The following KHNYN variants were observed in gnomAD, a reference collection of about 807,000 sequenced individuals.
KHNYN encodes KH and NYN domain containing.
A neutral mutation model predicts 62.7 loss-of-function variants in KHNYN; 42 were observed. The ratio of observed to expected loss-of-function variants is 0.67; its 90% confidence interval spans 0.52 to 0.87. The LOEUF is 0.87. KHNYN is among the 40% of genes least tolerant of loss of function. KHNYN has a pLI of 0.00. For missense variants in KHNYN, 829 were observed against 874.1 expected, an observed-to-expected ratio of 0.95 and a Z score of 0.65; for synonymous variants, 347 against 345.6, an observed-to-expected ratio of 1.00 and a Z score of -0.04.
rs201262437 is a variant in KHNYN, at chr14:24,441,108, A to ATT, written c.*3823_*3824insTT. 3.2e-6 allele frequency: 2 copies of ATT among 627,682 alleles called. No individual in the cohort carries two copies. The highest frequency in any genetic ancestry group is 6.3e-5 in the East Asian group (2 of 31,864). The allele number at this position is 627,682 out of a possible 1,614,324, so 38.9% of individuals were successfully genotyped here. On this transcript the variant is annotated 3_prime_UTR_variant, in exon 8 of 8. Coordinates refer to ENST00000553935, the MANE Select transcript of KHNYN (RefSeq NM_015299.3). The stretch of plus-strand genomic sequence containing the variant: ...CCTGAAGCGTTCCTTCCCTGGAGGA[A>ATT]CTCTGGTTGCAGGGCTAAACTTAGA...
chr14:24,432,186 AAGG>A lies in KHNYN; in HGVS notation c.931_933del (p.Glu311del), dbSNP rs537726831. The A allele has an allele frequency of 9.5e-5, 150 of 1,575,034 alleles. No homozygotes were observed. Among genetic ancestry groups the A allele is most frequent in the Non-Finnish European group, 1.3e-4 (148 of 1,158,750 alleles). ...ACCCCTGAAAGGGAAGGCCCTGGGG[AAGG>A]AGGAGATAGCTCTGGGAGGAGGAGG... On this transcript the variant is annotated inframe_deletion, in exon 3 of 8. Coordinates refer to ENST00000553935, the MANE Select transcript of KHNYN (RefSeq NM_015299.3). This position sits in a 1 kb window ranked among gnomAD's most constrained non-coding sequence, Gnocchi z 5.6.
upstream of KHNYN, chr14:24,429,487 C>T (rs2273631): frequency 0.7 from 325,023 of 465,752 alleles, 115,337 homozygotes; most frequent in Admixed American, 0.77. Flanking sequence ...CTTCCTCCTA[C>T]TCTTCCTCTC....
Position 24,431,845 on chromosome 14 carries a change from A to T in KHNYN, c.584A>T (p.Gln195Leu), listed in dbSNP as rs760827110. Residue 195 changes from glutamine (Q) to leucine (L), a missense_variant, in exon 3 of 8, where the codon CAG becomes CTG. Transcript: ENST00000553935. ...AVQEELLSLV[Q>L]EASSGQGPGA... ...CAGGAGGAGCTGCTGAGTCTGGTGC[A>T]GGAGGCGTCTAGTGGGCAGGGGCCA... 3 of 1,614,004 alleles carry T rather than the reference A, an allele frequency of 1.9e-6. No homozygotes were observed. In the South Asian group the frequency reaches 3.3e-5, roughly 18 times the overall value.
At chr14:24,430,358 A>G (rs1379459297) in intron 1 of KHNYN, 1 of 890,326 alleles carries the variant, frequency 1.1e-6, no homozygotes, top group Non-Finnish European at 1.4e-6. Context: ...GCCTAGTTCA[A>G]TCCCCTGCTG....
At position 24,440,453 on chromosome 14, in the gene KHNYN, A is replaced by C; in HGVS notation, c.*3168A>C. 6.2e-7 allele frequency: 1 copy of C among 1,610,474 alleles called. No homozygotes were observed. Among genetic ancestry groups the C allele is most frequent in the Non-Finnish European group, 8.5e-7 (1 of 1,178,410 alleles). On this transcript the variant is annotated 3_prime_UTR_variant, in exon 8 of 8. Coordinates refer to ENST00000553935, the MANE Select transcript of KHNYN (RefSeq NM_015299.3). ...CAGGCCCAGGCGAAAGGGCAGCAGCATGTGGCCCATGGCACCACCCCCACG... is the reference window on the plus strand; with the variant it reads ...CAGGCCCAGGCGAAAGGGCAGCAGCCTGTGGCCCATGGCACCACCCCCACG...
At chr14:24,426,364 T>A (rs150832418), upstream of KHNYN, among the ~76,000 whole-genome samples, 102 of 151,864 alleles carry the variant, frequency 6.7e-4, no homozygotes, top group African/African-American at 2.4e-3. Flanking sequence ...TTTTTGGTAT[T>A]TTTTTTTAAT....
rs374950453 is a variant in KHNYN at position 24,432,673 on chromosome 14, G to A, written c.1350-49G>A. ...GGATATGTCCTGAGGGGCTGGCATT[G>A]TAGCCAGGGTGCCAAGCCCCTCCTC... On this transcript the variant is annotated intron_variant, in intron 3 of 7. Transcript: ENST00000553935. The surrounding 1 kb of genome is among the most constrained non-coding windows in gnomAD (Gnocchi z 5.6). 1.6e-5 allele frequency: 26 copies of A among 1,613,642 alleles called. No homozygotes were observed. Among genetic ancestry groups the A allele is most frequent in the Non-Finnish European group, 2.2e-5 (26 of 1,179,810 alleles).
intron 1 of KHNYN, 89 bp downstream of exon 1, chr14:24,430,208 C>G: frequency 1.1e-6 from 1 of 937,062 alleles, no homozygotes; most frequent in Non-Finnish European, 1.3e-6. Context: ...CCCCAGTCCG[C>G]GGTGGGCGGG....
Position 24,440,077 on chromosome 14 carries a change from A to G in KHNYN, c.*2792A>G. ...GAACAGGCCTCAGGCCCTTGCCACG[A>G]CCTACTTAGGCTACAATTTCCTTTA... On this transcript the variant is annotated 3_prime_UTR_variant, in exon 8 of 8. Coordinates refer to ENST00000553935, the MANE Select transcript of KHNYN (RefSeq NM_015299.3). 1 of 1,585,584 alleles carries G rather than the reference A, an allele frequency of 6.3e-7. No individual in the cohort carries two copies. Among genetic ancestry groups the G allele is most frequent in the Non-Finnish European group, 8.6e-7 (1 of 1,161,598 alleles).
Position 24,437,351 on chromosome 14 carries a change from G to A in KHNYN, c.*66G>A. 6.4e-7 allele frequency: 1 copy of A among 1,552,936 alleles called. No homozygotes were observed. Among genetic ancestry groups the A allele is most frequent in the Non-Finnish European group, 8.7e-7 (1 of 1,147,142 alleles). Reference sequence around the variant, plus strand: ...CCGCCTCCAGCTCAGCCCTTTCTGTGAGAGTCCCTCTGCTGCTCACTCTGA... The same window carrying A: ...CCGCCTCCAGCTCAGCCCTTTCTGTAAGAGTCCCTCTGCTGCTCACTCTGA... On this transcript the variant is annotated 3_prime_UTR_variant, in exon 8 of 8. Transcript: ENST00000553935. This position sits in a 1 kb window ranked among gnomAD's most constrained non-coding sequence, Gnocchi z 5.5.
At chr14:24,427,647 G>C, upstream of KHNYN, 1 of 777,656 alleles carries the variant, frequency 1.3e-6, no homozygotes, top group Non-Finnish European at 2.2e-6. This position sits in a 1 kb window ranked among gnomAD's most constrained non-coding sequence, Gnocchi z 4.4. Flanking sequence ...CTTAAACTTG[G>C]GTGTTTGGCA....
rs1043326876 is a variant in KHNYN at position 24,437,720 on chromosome 14, G to C, written c.*435G>C. On this transcript the variant is annotated 3_prime_UTR_variant, in exon 8 of 8. Coordinates refer to ENST00000553935, the MANE Select transcript of KHNYN (RefSeq NM_015299.3). The surrounding 1 kb of genome is among the most constrained non-coding windows in gnomAD (Gnocchi z 5.5). ...TCCCTTGCTGAGCTCCTGGGAGCGTGGAAGGAGATGCTAGGCCCTGGCACA... is the reference window on the plus strand; with the variant it reads ...TCCCTTGCTGAGCTCCTGGGAGCGTCGAAGGAGATGCTAGGCCCTGGCACA... 1 of 165,388 alleles carries C rather than the reference G, an allele frequency of 6.0e-6. No individual in the cohort carries two copies. The highest frequency in any genetic ancestry group is 1.3e-5 in the Non-Finnish European group (1 of 75,864). 10.2% of individuals were successfully genotyped at this position (165,388 alleles called of 1,614,324 possible).
In KHNYN at chr14:24,438,807, G is replaced by C. The variant is rs2043246626; in HGVS notation, c.*1522G>C. Reference sequence around the variant, plus strand: ...TAAAGAAGTAGGACAGGTGCCCCTGGGTTCTGTTCTGTGTGGGCCTGTGGG... The same window carrying C: ...TAAAGAAGTAGGACAGGTGCCCCTGCGTTCTGTTCTGTGTGGGCCTGTGGG... On this transcript the variant is annotated 3_prime_UTR_variant, in exon 8 of 8. Coordinates refer to ENST00000553935, the MANE Select transcript of KHNYN (RefSeq NM_015299.3). 6.6e-6 allele frequency: 1 copy of C among 152,168 alleles called. No individual in the cohort carries two copies. Among genetic ancestry groups the C allele is most frequent in the South Asian group, 2.1e-4 (1 of 4,824 alleles). The allele number at this position is 152,168 out of a possible 1,614,324, so 9.4% of individuals were successfully genotyped here.
upstream of KHNYN, among the ~76,000 whole-genome samples, chr14:24,424,501 T>C (rs1472419948): frequency 6.6e-6 from 1 of 152,222 alleles, no homozygotes; most frequent in Non-Finnish European, 1.5e-5. Context: ...CCTGTGAATA[T>C]GTTATGTTAC....
chr14:24,436,522 C>T (rs995818247), intron 7 of KHNYN, 33 bp downstream of exon 7: 3 of 1,503,330 alleles, frequency 2.0e-6, no homozygotes, highest in African/African-American at 3.0e-5. Context: ...TACAGGCAGC[C>T]CCCACCCCTG....
In KHNYN at chr14:24,439,898, T is replaced by C; in HGVS notation, c.*2613T>C. ...TCTTACAAGGAGTTGAAAAGATTAA[T>C]GTCCCAACCTGATGAGATTACGGCC... On this transcript the variant is annotated 3_prime_UTR_variant, in exon 8 of 8. Transcript: ENST00000553935. The C allele has an allele frequency of 3.6e-6, 2 of 554,198 alleles. No homozygotes were observed. The allele number at this position is 554,198 out of a possible 1,614,324, so 34.3% of individuals were successfully genotyped here.
chr14:24,433,552 C>T (rs969283092), intron 5 of KHNYN, among the ~76,000 whole-genome samples: 23 of 152,106 alleles, frequency 1.5e-4, no homozygotes, highest in African/African-American at 5.3e-4. Flanking sequence ...AGTAGCACTA[C>T]TCATTGACTT....
chr14:24,431,836 G>A lies in KHNYN; in HGVS notation c.575G>A (p.Ser192Asn). The A allele has an allele frequency of 6.2e-7, 1 of 1,614,074 alleles. No homozygotes were observed. Among genetic ancestry groups the A allele is most frequent in the East Asian group, 2.2e-5 (1 of 44,890 alleles). The change falls in exon 3 of 8, where the codon AGT becomes AAT. Residue 192 changes from serine to asparagine, a missense_variant. Ser to Asn is a conservative substitution (Grantham distance 46, BLOSUM62 1). Coordinates refer to ENST00000553935, the MANE Select transcript of KHNYN (RefSeq NM_015299.3). ...CTGGCTGTCCAGGAGGAGCTGCTGA[G>A]TCTGGTGCAGGAGGCGTCTAGTGGG... Reference protein sequence around the residue: ...LPLAVQEELLSLVQEASSGQG... With the variant: ...LPLAVQEELLNLVQEASSGQG...
chr14:24,441,654 T>C lies in KHNYN; in HGVS notation c.*4369T>C, dbSNP rs768050771. 6 of 1,566,370 alleles carry C rather than the reference T, an allele frequency of 3.8e-6. No individual in the cohort carries two copies. In the Admixed American group the frequency reaches 1.1e-4, roughly 28 times the overall value. On this transcript the variant is annotated 3_prime_UTR_variant, in exon 8 of 8. Coordinates refer to ENST00000553935, the MANE Select transcript of KHNYN (RefSeq NM_015299.3). ...CGTTCCCCTGGCGAATATAAGGGGC[T>C]GGTGATTTGGGGGGCGTACCTACAC...
Sources: gnomAD v4.1 joint callset for allele counts (sites outside exome capture counted in the v4.1 genomes callset) on GRCh38, gnomAD v4.1.1 for gene constraint, Gnocchi (gnomAD v3.1) non-coding constraint, MANE v1.5 for transcripts, NCBI Gene and HGNC (gene_info 2026-07-23, HGNC 2026-07-21) for gene names.